Variants in SDK1 observed in about 807,000 individuals in gnomAD.
SDK1 encodes protein sidekick-1.
Under a neutral mutation model 245.5 loss-of-function variants are expected in SDK1, and 157 were observed. That is an observed-to-expected ratio of 0.64 (90% CI 0.56 to 0.73). The LOEUF (loss-of-function observed/expected upper bound fraction) is 0.73, where lower values mean the gene tolerates loss of function less well. Ranked by LOEUF, SDK1 falls within the 30% of genes least tolerant of loss-of-function variation. The pLI is 0.00. For synonymous variants in SDK1, 1,647 were observed against 1,278.5 expected, an observed-to-expected ratio of 1.29 and a Z score of -6.15; for missense variants, 3,583 against 3,002.3, an observed-to-expected ratio of 1.19 and a Z score of -4.52.
intron 1 of SDK1, among the ~76,000 whole-genome samples, chr7:3,342,938 G>A (rs1296685665): frequency 6.7e-6 from 1 of 149,676 alleles, no homozygotes; most frequent in Non-Finnish European, 1.5e-5. Flanking sequence ...CATACATTCA[G>A]TATTACTAGC....
At chr7:3,584,662 G>A (rs768006811) in intron 1 of SDK1, among the ~76,000 whole-genome samples, 5 of 152,128 alleles carry the variant, frequency 3.3e-5, no homozygotes, top group East Asian at 1.9e-4. Context: ...GGGCGTGTCC[G>A]CTGAGTGAGC....
chr7:3,468,401 G>C (rs947069916), intron 1 of SDK1, among the ~76,000 whole-genome samples: 2 of 152,030 alleles, frequency 1.3e-5, no homozygotes, highest in Non-Finnish European at 2.9e-5. Flanking sequence ...TCCTGTCTCA[G>C]TCGCATTCTC....
chr7:4,049,968 C>A (rs1789319401), intron 18 of SDK1, among the ~76,000 whole-genome samples: 1 of 152,148 alleles, frequency 6.6e-6, no homozygotes, highest in Admixed American at 6.5e-5. Context: ...GACAAATTTC[C>A]ATCATCCGAC....
chr7:4,215,621 G>A (rs566752485), intron 38 of SDK1, among the ~76,000 whole-genome samples: 2 of 152,220 alleles, frequency 1.3e-5, no homozygotes, highest in East Asian at 1.9e-4. Context: ...GTCTAGTGCA[G>A]GCCAGCCCGG....
chr7:4,172,544 A>T (rs1399141380), intron 32 of SDK1, among the ~76,000 whole-genome samples: 1 of 152,230 alleles, frequency 6.6e-6, no homozygotes, highest in African/African-American at 2.4e-5. Flanking sequence ...GCCTGGGTTC[A>T]GATAGTGAGG....
Position 4,149,441 on chromosome 7 carries a change from G to T in SDK1, c.4603G>T (p.Ala1535Ser). ...QTYSSSISHE[A>S]TACVVDRLRP... ...CTACTCCTCGTCCATCAGCCATGAG[G>T]CGACAGCATGCGTCGTTGACAGGTA... Residue 1535 changes from alanine (A) to serine (S), a missense_variant, in exon 30 of 45, where the codon GCG (alanine) becomes TCG (serine). Ala to Ser is a moderately conservative substitution (Grantham distance 99). Coordinates refer to ENST00000404826, the MANE Select transcript of SDK1 (RefSeq NM_152744.4). The T allele has an allele frequency of 1.3e-6, 2 of 1,550,852 alleles. No homozygotes were observed. The highest frequency in any genetic ancestry group is 1.7e-6 in the Non-Finnish European group (2 of 1,149,876).
At chr7:3,336,614 C>G (rs1780207237) in intron 1 of SDK1, among the ~76,000 whole-genome samples, 1 of 152,144 alleles carries the variant, frequency 6.6e-6, no homozygotes, top group Non-Finnish European at 1.5e-5. Context: ...CTCCCCGCCC[C>G]TCCTTTGGTA....
intron 5 of SDK1, among the ~76,000 whole-genome samples, chr7:3,947,709 T>C (rs1780636420): frequency 6.6e-6 from 1 of 151,626 alleles, no homozygotes; most frequent in Non-Finnish European, 1.5e-5. Flanking sequence ...TTTATATATA[T>C]TTAAATTACA....
intron 35 of SDK1, among the ~76,000 whole-genome samples, chr7:4,185,119 G>A (rs1220211115): frequency 1.3e-5 from 2 of 152,236 alleles, no homozygotes; most frequent in African/African-American, 4.8e-5. Context: ...TGAAGCGAGA[G>A]GGTCCCTAGA....
chr7:3,806,389 G>T (rs942901403), intron 4 of SDK1, among the ~76,000 whole-genome samples: 3 of 150,294 alleles, frequency 2.0e-5, no homozygotes, highest in African/African-American at 7.4e-5. Context: ...TTAGGACGTG[G>T]ATGTCCTTGG....
intron 4 of SDK1, among the ~76,000 whole-genome samples, chr7:3,703,090 G>A (rs1216234807): frequency 6.7e-6 from 1 of 149,340 alleles, no homozygotes; most frequent in African/African-American, 2.5e-5. Flanking sequence ...AATGTATGCC[G>A]ACGATACGAC....
At chr7:3,518,849 T>G (rs1782835880) in intron 1 of SDK1, among the ~76,000 whole-genome samples, 1 of 152,138 alleles carries the variant, frequency 6.6e-6, no homozygotes, top group Non-Finnish European at 1.5e-5. Context: ...TGCACTTCTG[T>G]GTTTATTGTA....
chr7:4,205,328 A>G (rs974925670), intron 35 of SDK1, among the ~76,000 whole-genome samples: 1 of 152,034 alleles, frequency 6.6e-6, no homozygotes, highest in East Asian at 1.9e-4. Flanking sequence ...TCTAATCTCA[A>G]TCAGTAATAT....
At chr7:4,023,254 A>G (rs1562685883) in intron 17 of SDK1, among the ~76,000 whole-genome samples, 1 of 152,100 alleles carries the variant, frequency 6.6e-6, no homozygotes, top group Non-Finnish European at 1.5e-5. Flanking sequence ...ATCCCCCATT[A>G]TCTTGTCGGC....
intron 1 of SDK1, among the ~76,000 whole-genome samples, chr7:3,391,468 AT>A (rs146415900): frequency 1.3e-4 from 19 of 149,724 alleles, no homozygotes; most frequent in Admixed American, 4.0e-4. Flanking sequence ...TTTGGAAGTG[AT>A]TTTTTTTTTC....
chr7:3,815,491 TG>T (rs1188162139), intron 4 of SDK1, among the ~76,000 whole-genome samples: 1 of 150,546 alleles, frequency 6.6e-6, no homozygotes, highest in African/African-American at 2.5e-5. Flanking sequence ...ATAGGCTTTT[TG>T]ATGTGCTGCT....
intron 1 of SDK1, among the ~76,000 whole-genome samples, chr7:3,575,115 A>G (rs891707551): frequency 4.6e-5 from 7 of 152,068 alleles, no homozygotes. Context: ...TGCCATAACC[A>G]AATACCCTAG....
intron 35 of SDK1, among the ~76,000 whole-genome samples, chr7:4,204,970 C>CGGA (rs141760325): frequency 7.5e-4 from 65 of 86,488 alleles, no homozygotes; most frequent in African/African-American, 1.4e-3. Flanking sequence ...TGGTGAGGTG[C>CGGA]GGAGGTGCGG....
intron 4 of SDK1, among the ~76,000 whole-genome samples, chr7:3,694,749 G>A (rs2114999873): frequency 6.6e-6 from 1 of 152,252 alleles, no homozygotes; most frequent in South Asian, 2.1e-4. Context: ...TTTGAGCCCA[G>A]GAACCTACGT....
Sources: allele counts gnomAD v4.1 joint callset (sites outside exome capture counted in the v4.1 genomes callset), GRCh38; gene constraint gnomAD v4.1.1; transcripts MANE v1.5; gene names NCBI Gene and HGNC (gene_info 2026-07-23, HGNC 2026-07-21).